SPOCK3: variants seen among roughly 807,000 people sequenced by gnomAD.
SPOCK3 encodes the protein testican-3.
Under a neutral mutation model 56.6 loss-of-function variants are expected in SPOCK3, and 30 were observed. The ratio of observed to expected loss-of-function variants is 0.53; its 90% confidence interval spans 0.40 to 0.72. The LOEUF (loss-of-function observed/expected upper bound fraction) is 0.72, where lower values mean the gene tolerates loss of function less well. Ranked by LOEUF, SPOCK3 falls within the 30% of genes least tolerant of loss-of-function variation. SPOCK3 has a pLI of 0.00. For synonymous variants in SPOCK3, 196 were observed against 183.3 expected (o/e 1.07, Z -0.56); for missense variants, 527 against 530.0 (o/e 0.99, Z 0.06).
Position 167,014,461 on chromosome 4 carries a change from C to T in SPOCK3, c.236-13998G>A, listed in dbSNP as rs111516527. 1.8e-3 allele frequency among the ~76,000 whole-genome samples: 267 copies of T among 151,936 alleles called. 1 individual carries two copies. In the East Asian group the frequency reaches 0.027, roughly 15 times the overall value. ...TGGAGCTCAAGACTAGCCTGGGCAA[C>T]AAGGTGAGACTCCGTGACATCAAAA... On this transcript the variant is annotated intron_variant, in intron 3 of 10. Transcript: ENST00000357545.
intron 2 of SPOCK3, among the ~76,000 whole-genome samples, chr4:167,097,216 C>T (rs1475146641): frequency 6.6e-6 from 1 of 151,718 alleles, no homozygotes; most frequent in East Asian, 1.9e-4. Context: ...ATTTAAATAA[C>T]TGCTTTCTAT....
chr4:166,952,317 T>C (rs564969297), intron 4 of SPOCK3, among the ~76,000 whole-genome samples: 66 of 152,078 alleles, frequency 4.3e-4, no homozygotes, highest in Admixed American at 9.8e-4. Context: ...AAATCGTGAG[T>C]GAACTCCCAT....
chr4:166,982,492 C>A (rs904410483), intron 4 of SPOCK3, among the ~76,000 whole-genome samples: 14 of 152,126 alleles, frequency 9.2e-5, no homozygotes, highest in Non-Finnish European at 1.8e-4. Flanking sequence ...ATGGAGCTTG[C>A]AGTGAGCCAA....
At chr4:167,027,594 T>C (rs1200323938) in intron 3 of SPOCK3, among the ~76,000 whole-genome samples, 3 of 152,064 alleles carry the variant, frequency 2.0e-5, no homozygotes, top group Non-Finnish European at 4.4e-5. Context: ...CTCCCAAAAC[T>C]TAACTATTAA....
chr4:167,232,282 C>T lies in SPOCK3; in HGVS notation c.189+1703G>A, dbSNP rs1296041261. On this transcript the variant is annotated intron_variant, in intron 2 of 10. Coordinates refer to ENST00000357545, the MANE Select transcript of SPOCK3 (RefSeq NM_001040159.2). ...TTAGAGAAGAAAGCTTTTATCTCTG[C>T]TCTCATTGAAGATAGTAATACTCTT... 3.3e-5 allele frequency among the ~76,000 whole-genome samples: 5 copies of T among 151,812 alleles called. No homozygotes were observed. The East Asian group carries it at 9.7e-4, about 29-fold the overall frequency.
intron 4 of SPOCK3, among the ~76,000 whole-genome samples, chr4:166,953,346 A>C (rs554036994): frequency 6.6e-6 from 1 of 152,166 alleles, no homozygotes; most frequent in Non-Finnish European, 1.5e-5. Flanking sequence ...GCTCACCATC[A>C]CTGGCCATCA....
chr4:166,797,668 C>G (rs888248111), intron 6 of SPOCK3, among the ~76,000 whole-genome samples: 11 of 151,476 alleles, frequency 7.3e-5, no homozygotes, highest in Admixed American at 7.2e-4. Flanking sequence ...TATTTTTTTT[C>G]TGAGTACACA....
chr4:166,996,238 C>A (rs1043169121), intron 4 of SPOCK3, among the ~76,000 whole-genome samples: 2 of 152,040 alleles, frequency 1.3e-5, no homozygotes, highest in African/African-American at 4.8e-5. Context: ...ATTAACATGG[C>A]TAGTTTTGTC....
chr4:167,015,415 T>G (rs1404691214), intron 3 of SPOCK3, among the ~76,000 whole-genome samples: 1 of 152,192 alleles, frequency 6.6e-6, no homozygotes, highest in African/African-American at 2.4e-5. Context: ...AAGAATTATC[T>G]TTAATTTTGC....
chr4:166,958,025 T>G (rs1031817369), intron 4 of SPOCK3, among the ~76,000 whole-genome samples: 2 of 152,202 alleles, frequency 1.3e-5, no homozygotes, highest in Admixed American at 6.5e-5. Context: ...GGCAGAATGA[T>G]ATAGTTTGGA....
At chr4:167,000,891 A>G (rs1440841581) in intron 3 of SPOCK3, among the ~76,000 whole-genome samples, 4 of 152,196 alleles carry the variant, frequency 2.6e-5, no homozygotes, top group African/African-American at 9.6e-5. Context: ...ATGAACAAAC[A>G]AAAATGTCAG....
intron 2 of SPOCK3, among the ~76,000 whole-genome samples, chr4:167,127,219 CAT>C (rs1279529980): frequency 6.6e-6 from 1 of 152,110 alleles, no homozygotes; most frequent in African/African-American, 2.4e-5. Context: ...TATTTTGCCT[CAT>C]ATGTGTCAAC....
In SPOCK3 at chr4:167,159,311, T is replaced by C. The variant is rs577871689; in HGVS notation, c.189+74674A>G. On this transcript the variant is annotated intron_variant, in intron 2 of 10. Transcript: ENST00000357545. ...GGGTTCAAAACAACTACCCAAAATA[T>C]GGCATCTTGGAACCTGAGAAAATAT... Among the ~76,000 whole-genome samples, 3 of 152,128 alleles carry C rather than the reference T, an allele frequency of 2.0e-5. 1 individual carries two copies. In the South Asian group the frequency reaches 6.2e-4, roughly 31 times the overall value.
chr4:167,129,017 C>T (rs918422867), intron 2 of SPOCK3, among the ~76,000 whole-genome samples: 3 of 152,132 alleles, frequency 2.0e-5, no homozygotes, highest in Non-Finnish European at 4.4e-5. Flanking sequence ...GCTCTATACC[C>T]TTGATTCAGG....
chr4:167,140,750 A>G (rs913498264), intron 2 of SPOCK3, among the ~76,000 whole-genome samples: 2 of 151,956 alleles, frequency 1.3e-5, no homozygotes, highest in South Asian at 4.1e-4. Flanking sequence ...CAGAGTTCAG[A>G]AAAACTTTGT....
chr4:166,842,379 T>G (rs1047618165), intron 6 of SPOCK3, among the ~76,000 whole-genome samples: 6 of 152,210 alleles, frequency 3.9e-5, no homozygotes, highest in African/African-American at 1.4e-4. Flanking sequence ...AGGGTGCTGA[T>G]TGGTGCATTT....
At chr4:166,945,832 C>A (rs1262962427) in intron 4 of SPOCK3, among the ~76,000 whole-genome samples, 1 of 152,178 alleles carries the variant, frequency 6.6e-6, no homozygotes, top group Non-Finnish European at 1.5e-5. Flanking sequence ...TCCCTCCTTA[C>A]CCTACATGGG....
intron 6 of SPOCK3, among the ~76,000 whole-genome samples, chr4:166,803,059 CAT>C (rs1367827714): frequency 6.6e-6 from 1 of 152,132 alleles, no homozygotes; most frequent in Non-Finnish European, 1.5e-5. Context: ...AGCACACACA[CAT>C]GAGCACACAT....
intron 2 of SPOCK3, among the ~76,000 whole-genome samples, chr4:167,200,049 T>A (rs556366860): frequency 6.6e-6 from 1 of 152,216 alleles, no homozygotes; most frequent in South Asian, 2.1e-4. Context: ...AAAGTACTTT[T>A]TTAAATTTCT....
Sources: allele counts gnomAD v4.1 joint callset (sites outside exome capture counted in the v4.1 genomes callset), GRCh38; gene constraint gnomAD v4.1.1; transcripts MANE v1.5; gene names NCBI Gene and HGNC (gene_info 2026-07-23, HGNC 2026-07-21).